Variants in MLLT1 observed in about 807,000 individuals in gnomAD.
MLLT1 encodes MLLT1 super elongation complex subunit.
A neutral mutation model predicts 55.1 loss-of-function variants in MLLT1; 11 were observed. The observed-to-expected ratio is 0.20, with a 90% CI of 0.13 to 0.33. The LOEUF is 0.33. Among genes scored for constraint, MLLT1 ranks in the 10% least tolerant of loss-of-function variants. The pLI is 1.00. For missense variants in MLLT1, 536 were observed against 760.6 expected (o/e 0.70, Z 3.47); for synonymous variants, 323 against 320.1 (o/e 1.01, Z -0.10).
intron 3 of MLLT1, among the ~76,000 whole-genome samples, chr19:6,232,866 C>T (rs935883127): frequency 2.0e-5 from 3 of 152,218 alleles, no homozygotes; most frequent in Admixed American, 6.5e-5. Flanking sequence ...TGAATCACAA[C>T]GCACTTTGTT....
chr19:6,234,418 G>T (rs934212247), intron 3 of MLLT1, among the ~76,000 whole-genome samples: 1 of 152,244 alleles, frequency 6.6e-6, no homozygotes, highest in African/African-American at 2.4e-5. Context: ...TGGGCACAGG[G>T]CTGGCTGGAA....
chr19:6,233,529 G>A (rs918919622), intron 3 of MLLT1, among the ~76,000 whole-genome samples: 2 of 152,204 alleles, frequency 1.3e-5, no homozygotes, highest in African/African-American at 4.8e-5. Context: ...GACAGGCTTG[G>A]GTAAGGACAT....
intron 3 of MLLT1, among the ~76,000 whole-genome samples, chr19:6,260,977 T>C (rs1490525410): frequency 5.9e-5 from 9 of 152,190 alleles, no homozygotes; most frequent in Admixed American, 5.9e-4. Flanking sequence ...CCCGCTAGAA[T>C]ACCAGTGCCT....
Position 6,227,063 on chromosome 19 carries a change from G to T in MLLT1, c.460C>A (p.Pro154Thr), listed in dbSNP as rs1189150946. 6.2e-7 allele frequency: 1 copy of T among 1,606,350 alleles called. No individual in the cohort carries two copies. The highest frequency in any genetic ancestry group is 8.5e-7 in the Non-Finnish European group (1 of 1,177,078). Residue 154 changes from proline to threonine, a missense_variant, in exon 5 of 12, where the codon CCC becomes ACC. This residue lies in a region of MLLT1 where 449 missense variants were observed against 489.0 expected (regional missense o/e 0.92). Coordinates refer to ENST00000252674, the MANE Select transcript of MLLT1 (RefSeq NM_005934.4). The surrounding 1 kb of genome is among the most constrained non-coding windows in gnomAD (Gnocchi z 5.1). Reference sequence around the variant, plus strand: ...GGTAACATGGGGTAGTCGGGACTGGGCCTGGACACCGTGTCTGCTCCTTCG... The same window carrying T: ...GGTAACATGGGGTAGTCGGGACTGGTCCTGGACACCGTGTCTGCTCCTTCG... ...MPEGADTVSR[P>T]SPDYPMLPTI...
Position 6,213,188 on chromosome 19 carries a change from G to A in MLLT1, c.1552-18C>T. ...TTCACAATCTGTAAGGTGGTGGCAG[G>A]TGGCTTCAGGGGCAGGGGGCCAAGG... On this transcript the variant is annotated intron_variant, in intron 11 of 11. Coordinates refer to ENST00000252674, the MANE Select transcript of MLLT1 (RefSeq NM_005934.4). 6.2e-7 allele frequency: 1 copy of A among 1,613,886 alleles called. No homozygotes were observed. The highest frequency in any genetic ancestry group is 1.1e-5 in the South Asian group (1 of 91,084).
intron 3 of MLLT1, among the ~76,000 whole-genome samples, chr19:6,258,763 T>TA (rs2091279291): frequency 6.6e-6 from 1 of 152,224 alleles, no homozygotes; most frequent in Non-Finnish European, 1.5e-5. Flanking sequence ...GCTCCGGTCT[T>TA]AGAGCCACAC....
rs948944000 is a variant in MLLT1, at chr19:6,219,983, C to T, written c.1111-1942G>A. On this transcript the variant is annotated intron_variant, in intron 6 of 11. Coordinates refer to ENST00000252674, the MANE Select transcript of MLLT1 (RefSeq NM_005934.4). The surrounding 1 kb of genome is among the most constrained non-coding windows in gnomAD (Gnocchi z 4.5). ...TGTGATCAGAAGGGCCACCGGAGCA[C>T]GCCCGGGGCTCAGAGGGAGGGCGGA... is the stretch of plus-strand genomic sequence containing the variant. Among the ~76,000 whole-genome samples the T allele has an allele frequency of 2.6e-5, 4 of 152,234 alleles. No homozygotes were observed. Among genetic ancestry groups the T allele is most frequent in the African/African-American group, 7.2e-5 (3 of 41,464 alleles).
rs2144854368 is a variant in MLLT1, at chr19:6,219,736, G to T, written c.1111-1695C>A. Among the ~76,000 whole-genome samples, 1 of 152,318 alleles carries T rather than the reference G, an allele frequency of 6.6e-6. No individual in the cohort carries two copies. The highest frequency in any genetic ancestry group is 1.5e-5 in the Non-Finnish European group (1 of 68,042). On this transcript the variant is annotated intron_variant, in intron 6 of 11. Coordinates refer to ENST00000252674, the MANE Select transcript of MLLT1 (RefSeq NM_005934.4). The surrounding 1 kb of genome is among the most constrained non-coding windows in gnomAD (Gnocchi z 4.5). ...CCCATGCACTTTCTCACTAAAGGTG[G>T]AGAGGGGGCAGTTCAGGCGGCCAAA... is the stretch of plus-strand genomic sequence containing the variant.
At position 6,222,341 on chromosome 19, in the gene MLLT1, G is replaced by C. The variant is rs201037304; in HGVS notation, c.890C>G (p.Ala297Gly). The C allele has an allele frequency of 9.7e-6, 15 of 1,540,602 alleles. No homozygotes were observed. In the Admixed American group the frequency reaches 2.7e-4, roughly 28 times the overall value. ...CGAGCTGCTCTTCTTCTGCTTCTTG[G>C]CGCTGGGCTTTGGCGAGTCGGCGGT... Reference protein sequence around the residue: ...PATADSPKPSAKKQKKSSSKG... With the variant: ...PATADSPKPSGKKQKKSSSKG... Residue 297 changes from alanine (A) to glycine (G), a missense_variant, in exon 6 of 12, where the codon GCC becomes GGC. This residue lies in a region of MLLT1 where 449 missense variants were observed against 489.0 expected (regional missense o/e 0.92). Transcript: ENST00000252674. This position sits in a 1 kb window ranked among gnomAD's most constrained non-coding sequence, Gnocchi z 4.1.
chr19:6,237,605 A>C (rs567695998), intron 3 of MLLT1, among the ~76,000 whole-genome samples: 150 of 151,160 alleles, frequency 9.9e-4, no homozygotes, highest in African/African-American at 3.4e-3. Flanking sequence ...AAAATACAAA[A>C]AAAAAAAAAA....
intron 10 of MLLT1, 47 bp from the exon 11 acceptor site, chr19:6,213,455 C>T: frequency 6.8e-7 from 1 of 1,461,900 alleles, no homozygotes; most frequent in Non-Finnish European, 9.6e-7. Flanking sequence ...GCCCTGGACC[C>T]TTCCTGCTCC....
intron 3 of MLLT1, among the ~76,000 whole-genome samples, chr19:6,244,863 G>A (rs1373708864): frequency 6.6e-6 from 1 of 152,130 alleles, no homozygotes; most frequent in Non-Finnish European, 1.5e-5. Context: ...CCGTCAGGGA[G>A]ATGCAAATCA....
chr19:6,227,430 G>A lies in MLLT1; in HGVS notation c.421-328C>T, dbSNP rs925362461. Among the ~76,000 whole-genome samples the A allele has an allele frequency of 2.0e-5, 3 of 152,228 alleles. No homozygotes were observed. Among genetic ancestry groups the A allele is most frequent in the South Asian group, 2.1e-4 (1 of 4,832 alleles). On this transcript the variant is annotated intron_variant, in intron 4 of 11. Coordinates refer to ENST00000252674, the MANE Select transcript of MLLT1 (RefSeq NM_005934.4). The surrounding 1 kb of genome is among the most constrained non-coding windows in gnomAD (Gnocchi z 5.1). ...CTGAGAATCATGAGAAGGCAGCTGC[G>A]GCCGAAGCCTGACCTACGCGCTTAG...
intron 3 of MLLT1, among the ~76,000 whole-genome samples, chr19:6,239,720 CCA>C (rs762036790): frequency 7.3e-5 from 11 of 151,660 alleles, no homozygotes; most frequent in Admixed American, 2.0e-4. Context: ...ACACACACCC[CCA>C]CACTCATACA....
At position 6,231,255 on chromosome 19, in the gene MLLT1, C is replaced by T. The variant is rs184974254; in HGVS notation, c.277-542G>A. On this transcript the variant is annotated intron_variant, in intron 3 of 11. Transcript: ENST00000252674. The surrounding 1 kb of genome is among the most constrained non-coding windows in gnomAD (Gnocchi z 5.1). ...GCTCTGTCCACTTTGGGTGCCGCCC[C>T]GCACCCTCGCCACCCCAGAAGACAG... Among the ~76,000 whole-genome samples the T allele has an allele frequency of 1.4e-3, 208 of 152,304 alleles. No homozygotes were observed. Among genetic ancestry groups the T allele is most frequent in the African/African-American group, 4.8e-3 (199 of 41,572 alleles).
chr19:6,279,356 G>A (rs2091444734), intron 1 of MLLT1, among the ~76,000 whole-genome samples: 1 of 152,114 alleles, frequency 6.6e-6, no homozygotes, highest in Admixed American at 6.5e-5. Flanking sequence ...TCTGAACAGG[G>A]CCCAGATCCC....
At chr19:6,259,813 A>AAAAAAAAAAC (rs1462275976) in intron 3 of MLLT1, 3 of 151,582 alleles carry the variant, frequency 2.0e-5, no homozygotes, top group Admixed American at 1.3e-4. Context: ...AAAAAAAAAA[A>AAAAAAAAAAC]AAAAAAACAG....
At position 6,270,909 on chromosome 19, in the gene MLLT1, G is replaced by A. The variant is rs1260246355; in HGVS notation, c.13-150C>T. On this transcript the variant is annotated intron_variant, in intron 1 of 11. Coordinates refer to ENST00000252674, the MANE Select transcript of MLLT1 (RefSeq NM_005934.4). This position sits in a 1 kb window ranked among gnomAD's most constrained non-coding sequence, Gnocchi z 7.1. ...CAGCACACAGACGGCTTCCTATCGC[G>A]CCAGCACCTTGCCGCAGACGTCCCG... The A allele has an allele frequency of 1.5e-5, 11 of 729,616 alleles. No homozygotes were observed. The highest frequency in any genetic ancestry group is 3.6e-4 in the Middle Eastern group (1 of 2,746). The allele number at this position is 729,616 out of a possible 1,614,324, so 45.2% of individuals were successfully genotyped here.
In MLLT1 at chr19:6,222,739, CG is replaced by C; in HGVS notation, c.547-56del. On this transcript the variant is annotated intron_variant, in intron 5 of 11. Coordinates refer to ENST00000252674, the MANE Select transcript of MLLT1 (RefSeq NM_005934.4). This position sits in a 1 kb window ranked among gnomAD's most constrained non-coding sequence, Gnocchi z 4.1. ...GGAGAGACAAGGTCACGTGGCATTG[CG>C]GGGCGCCCTGCTCCGCCACCCCTGA... 1 of 1,446,316 alleles carries C rather than the reference CG, an allele frequency of 6.9e-7. No individual in the cohort carries two copies. Among genetic ancestry groups the C allele is most frequent in the African/African-American group, 1.4e-5 (1 of 70,124 alleles). The allele number at this position is 1,446,316 out of a possible 1,614,324, so 89.6% of individuals were successfully genotyped here.
Sources: allele counts gnomAD v4.1 joint callset (sites outside exome capture counted in the v4.1 genomes callset), GRCh38; gene constraint gnomAD v4.1.1; regional missense constraint gnomAD v4.1.1; non-coding constraint Gnocchi (gnomAD v3.1); transcripts MANE v1.5; gene names NCBI Gene and HGNC (gene_info 2026-07-23, HGNC 2026-07-21).